KALRN: variants seen among roughly 807,000 people sequenced by gnomAD.
KALRN encodes kalirin.
Under a neutral mutation model 353.7 loss-of-function variants are expected in KALRN, and 70 were observed. The ratio of observed to expected loss-of-function variants is 0.20; its 90% CI spans 0.16 to 0.24. KALRN has a LOEUF of 0.24. Ranked by LOEUF, KALRN falls within the 10% of genes least tolerant of loss-of-function variation. KALRN has a pLI of 1.00. For missense variants in KALRN, 2,791 were observed against 3,756.7 expected (o/e 0.74, Z 6.72); for synonymous variants, 1,391 against 1,434.8 (o/e 0.97, Z 0.69).
chr3:124,361,235 T>G (rs560746960), intron 10 of KALRN, among the ~76,000 whole-genome samples: 3 of 152,368 alleles, frequency 2.0e-5, no homozygotes, highest in Admixed American at 2.0e-4. Context: ...TCTGATTTTT[T>G]TCTAAAGGAA....
intron 58 of KALRN, among the ~76,000 whole-genome samples, chr3:124,713,372 G>T (rs2062983340): frequency 6.6e-6 from 1 of 152,146 alleles, no homozygotes; most frequent in Admixed American, 6.5e-5. Context: ...ACTAGGAATG[G>T]AGAAGCTGGG....
chr3:124,065,755 G>A (rs750221326), intron 1 of KALRN, among the ~76,000 whole-genome samples: 1 of 152,048 alleles, frequency 6.6e-6, no homozygotes, highest in Non-Finnish European at 1.5e-5. Flanking sequence ...GATAATAAAG[G>A]TTCCTACTGC....
Position 124,423,669 on chromosome 3 carries a change from A to C in KALRN, c.2709+691A>C, listed in dbSNP as rs545224889. Among the ~76,000 whole-genome samples, 5 of 152,292 alleles carry C rather than the reference A, an allele frequency of 3.3e-5. No individual in the cohort carries two copies. The East Asian group carries it at 7.7e-4, about 24-fold the overall frequency. On this transcript the variant is annotated intron_variant, in intron 15 of 59. Coordinates refer to ENST00000682506, the MANE Select transcript of KALRN (RefSeq NM_001388419.1). ...GGCAAGAGAGTCACTTGAGGCCAGCAGTTTAAGACCAACCTGGGCAACATG... is the reference window on the plus strand; with the variant it reads ...GGCAAGAGAGTCACTTGAGGCCAGCCGTTTAAGACCAACCTGGGCAACATG...
chr3:124,333,784 A>C (rs1175282033), intron 8 of KALRN, among the ~76,000 whole-genome samples: 1 of 152,176 alleles, frequency 6.6e-6, no homozygotes, highest in Non-Finnish European at 1.5e-5. Context: ...GCTACTCAGG[A>C]GGCTGAGGCA....
intron 34 of KALRN, among the ~76,000 whole-genome samples, chr3:124,576,544 G>C (rs752770044): frequency 3.9e-5 from 6 of 152,294 alleles, no homozygotes; most frequent in South Asian, 2.1e-4. Context: ...CTCTGGGGAC[G>C]TATGGGTTAA....
Position 124,678,227 on chromosome 3 carries a change from C to T in KALRN, c.7231C>T (p.Arg2411Trp), listed in dbSNP as rs1010276863. The T allele has an allele frequency of 1.6e-5, 26 of 1,613,748 alleles. No homozygotes were observed. Among genetic ancestry groups the T allele is most frequent in the East Asian group, 4.5e-5 (2 of 44,886 alleles). Residue 2411 changes from arginine (R) to tryptophan (W), a missense_variant, in exon 50 of 60, where the codon CGG (arginine) becomes TGG (tryptophan). Around this residue, in one of 11 missense-constraint regions of KALRN, gnomAD observed 1,065 missense variants for 1,156.4 expected, o/e 0.92. Transcript: ENST00000682506. ...CSWHTLRMRK[R>W]AEVENTGKNE... ...ATGGCATACTCTACGCATGAGAAAG[C>T]GGGCGGAAGTGGAGAACACGGGTAA...
At chr3:124,666,818 G>C (rs1027746999) in intron 46 of KALRN, among the ~76,000 whole-genome samples, 184 bp downstream of exon 46, 4 of 152,232 alleles carry the variant, frequency 2.6e-5, no homozygotes, top group Non-Finnish European at 5.9e-5. Flanking sequence ...GGCTGAGCCA[G>C]TCTCTGGCAT....
chr3:124,107,484 T>C (rs906418011), intron 1 of KALRN, among the ~76,000 whole-genome samples: 8 of 152,202 alleles, frequency 5.3e-5, no homozygotes, highest in Non-Finnish European at 1.2e-4. Flanking sequence ...TGGAACGCAG[T>C]TGAAATTATA....
Position 124,490,718 on chromosome 3 carries a change from A to C in KALRN, c.4421A>C (p.Gln1474Pro). ...LEGFDENLDV[Q>P]GELILQDAFQ... Reference sequence around the variant, plus strand: ...GGGTTCGACGAGAACCTGGATGTGCAGGGGGAGTTGATTCTCCAGGATGCC... The same window carrying C: ...GGGTTCGACGAGAACCTGGATGTGCCGGGGGAGTTGATTCTCCAGGATGCC... Residue 1474 changes from glutamine to proline, a missense_variant, in exon 30 of 60, where the codon CAG (glutamine) becomes CCG (proline). Transcript: ENST00000682506. The C allele has an allele frequency of 1.2e-6, 2 of 1,613,318 alleles. No individual in the cohort carries two copies. The highest frequency in any genetic ancestry group is 1.7e-6 in the Non-Finnish European group (2 of 1,179,798).
At chr3:124,278,180 CAG>C (rs751613849) in intron 5 of KALRN, among the ~76,000 whole-genome samples, 2 of 150,800 alleles carry the variant, frequency 1.3e-5, no homozygotes, top group African/African-American at 2.4e-5. Flanking sequence ...CAGGGAAAAT[CAG>C]AGTTAGCACT....
rs1219601187 is a variant in KALRN at position 124,722,219 on chromosome 3, G to A, written c.*2749G>A. The stretch of plus-strand genomic sequence containing the variant: ...AGGGTATTTTTGAAATTATGTTATG[G>A]GGGCAGTTGACAGAATGTTAGACAG... On this transcript the variant is annotated 3_prime_UTR_variant, in exon 60 of 60. Transcript: ENST00000682506. The A allele has an allele frequency of 6.6e-6, 1 of 152,112 alleles. No individual in the cohort carries two copies. Among genetic ancestry groups the A allele is most frequent in the Non-Finnish European group, 1.5e-5 (1 of 68,058 alleles). The allele number at this position is 152,112 out of a possible 1,614,324, so 9.4% of individuals were successfully genotyped here.
Position 124,651,032 on chromosome 3 carries a change from G to T in KALRN, c.5795+94G>T, listed in dbSNP as rs973074035. On this transcript the variant is annotated intron_variant, in intron 38 of 59. Transcript: ENST00000682506. ...GGAAAATTCGAGAGGGGTTCCCCAC[G>T]CTGTTTCCACTGACATCTTTCATTC... 2.1e-6 allele frequency: 3 copies of T among 1,452,592 alleles called. No individual in the cohort carries two copies. In the East Asian group the frequency reaches 6.8e-5, roughly 33 times the overall value. 90.0% of individuals were successfully genotyped at this position (1,452,592 alleles called of 1,614,324 possible). A position where few individuals can be genotyped will look rare whatever the true frequency, so the allele number is the denominator to read the frequency against.
intron 41 of KALRN, among the ~76,000 whole-genome samples, 166 bp downstream of exon 41, chr3:124,657,969 A>G (rs1170398613): frequency 1.3e-5 from 2 of 152,140 alleles, no homozygotes; most frequent in Non-Finnish European, 2.9e-5. Flanking sequence ...CCTGGGCAAC[A>G]TAGTGAGGCC....
chr3:124,332,718 G>A (rs2080715019), intron 8 of KALRN, among the ~76,000 whole-genome samples: 1 of 152,162 alleles, frequency 6.6e-6, no homozygotes, highest in African/African-American at 2.4e-5. Context: ...GAGGAAAGTG[G>A]ATGGTGTGTC....
chr3:124,148,465 G>C (rs1225401979), intron 1 of KALRN, among the ~76,000 whole-genome samples: 1 of 152,146 alleles, frequency 6.6e-6, no homozygotes, highest in Non-Finnish European at 1.5e-5. Flanking sequence ...CCTTCTCTTA[G>C]TGTTTCTGTG....
At chr3:124,118,985 GTC>G (rs1268862989) in intron 1 of KALRN, among the ~76,000 whole-genome samples, 1 of 152,126 alleles carries the variant, frequency 6.6e-6, no homozygotes, top group African/African-American at 2.4e-5. Context: ...TCCAATTCCG[GTC>G]TCCTTTTCAT....
At chr3:124,051,053 G>A (rs1159235387) in intron 1 of KALRN, among the ~76,000 whole-genome samples, 2 of 152,196 alleles carry the variant, frequency 1.3e-5, no homozygotes, top group Admixed American at 6.5e-5. Flanking sequence ...GTTTAGAAAT[G>A]AGGCTCCCGA....
chr3:124,233,470 T>A (rs1664725554), intron 2 of KALRN, among the ~76,000 whole-genome samples: 1 of 152,180 alleles, frequency 6.6e-6, no homozygotes, highest in Non-Finnish European at 1.5e-5. Context: ...GAATCTGCCC[T>A]GAGTGGGGGC....
chr3:124,258,548 TC>T (rs1369359279), intron 3 of KALRN, among the ~76,000 whole-genome samples: 1 of 152,208 alleles, frequency 6.6e-6, no homozygotes, highest in Non-Finnish European at 1.5e-5. Context: ...TATTCTTGAC[TC>T]AGAAGATGGT....
Sources: allele counts gnomAD v4.1 joint callset (sites outside exome capture counted in the v4.1 genomes callset), GRCh38; gene constraint gnomAD v4.1.1; regional missense constraint gnomAD v4.1.1; transcripts MANE v1.5; gene names NCBI Gene and HGNC (gene_info 2026-07-23, HGNC 2026-07-21).